The following TDRD7 variants were observed in gnomAD, a reference collection of about 807,000 sequenced individuals.
TDRD7 encodes tudor domain-containing protein 7.
A neutral mutation model predicts 109.8 loss-of-function variants in TDRD7; 47 were observed. That is an observed-to-expected ratio of 0.43 (90% CI 0.34 to 0.55). The LOEUF (loss-of-function observed/expected upper bound fraction) is 0.55. Among genes scored for constraint, TDRD7 ranks in the 20% least tolerant of loss-of-function variants. The pLI, the probability that TDRD7 is intolerant of heterozygous loss-of-function variation, is 0.03. For missense variants in TDRD7, 1,164 were observed against 1,319.2 expected (o/e 0.88, Z 1.82); for synonymous variants, 424 against 457.3 (o/e 0.93, Z 0.93).
chr9:97,454,644 C>A (rs1828569638), intron 6 of TDRD7, among the ~76,000 whole-genome samples: 4 of 152,214 alleles, frequency 2.6e-5, no homozygotes, highest in South Asian at 2.1e-4. Flanking sequence ...CAAATAAGAA[C>A]AAACAGACAA....
In TDRD7 at chr9:97,428,540, C is replaced by T. The variant is rs774764827; in HGVS notation, c.75C>T (p.Pro25=). ...CTCATAAGAATGGAGTAGCATTACC[C>T]CGGCTCCAAGGAGAGTACAGATCCT... is the stretch of plus-strand genomic sequence containing the variant. ...LQSHKNGVAL[P]RLQGEYRSLT... The change falls in exon 2 of 17, where the codon CCC becomes CCT. Residue 25 remains proline (P), a synonymous_variant. Coordinates refer to ENST00000355295, the MANE Select transcript of TDRD7 (RefSeq NM_014290.3). 12 of 1,613,886 alleles carry T rather than the reference C, an allele frequency of 7.4e-6. No individual in the cohort carries two copies. In the African/African-American group the frequency reaches 9.3e-5, roughly 13 times the overall value.
At chr9:97,434,113 T>C (rs77512182) in intron 4 of TDRD7, among the ~76,000 whole-genome samples, 2,330 of 152,290 alleles carry the variant, frequency 0.015, 31 homozygotes, top group Non-Finnish European at 0.021. Context: ...TCAACTGAAG[T>C]GTCCATTAAT....
intron 2 of TDRD7, 27 bp downstream of exon 2, chr9:97,428,699 A>T: frequency 6.2e-7 from 1 of 1,604,770 alleles, no homozygotes; most frequent in Non-Finnish European, 8.5e-7. Context: ...GCGTGTCAGA[A>T]GAATCAAACC....
rs1196369529 is a variant in TDRD7, at chr9:97,495,684, C to A, written c.3098C>A (p.Ser1033Tyr). 2 of 1,614,164 alleles carry A rather than the reference C, an allele frequency of 1.2e-6. No individual in the cohort carries two copies. The highest frequency in any genetic ancestry group is 1.1e-5 in the South Asian group (1 of 91,074). ...CTAGGAGTGAAGTGCAACCAGTGGT[C>A]TGAGGAGGCTTCTATGGTGTTTCGA... ...QLAGVKCNQW[S>Y]EEASMVFRNH... Residue 1033 changes from serine to tyrosine, a missense_variant, in exon 17 of 17, where the codon TCT becomes TAT. Physicochemically the swap from Ser to Tyr is moderately radical, Grantham distance 144. Around this residue, in one of 5 missense-constraint regions of TDRD7, gnomAD observed 162 missense variants for 222.5 expected, o/e 0.73. Coordinates refer to ENST00000355295, the MANE Select transcript of TDRD7 (RefSeq NM_014290.3).
chr9:97,439,433 T>C, intron 5 of TDRD7, 115 bp downstream of exon 5: 1 of 851,828 alleles, frequency 1.2e-6, no homozygotes, highest in Admixed American at 1.9e-5. Flanking sequence ...ATATCCTTCC[T>C]CCCCTTTTTC....
chr9:97,465,581 C>T (rs1828810070), intron 8 of TDRD7, among the ~76,000 whole-genome samples: 2 of 152,228 alleles, frequency 1.3e-5, no homozygotes, highest in Non-Finnish European at 2.9e-5. Flanking sequence ...TTTGCCTCTT[C>T]ATACTGTCAA....
intron 8 of TDRD7, among the ~76,000 whole-genome samples, chr9:97,467,485 C>T (rs1177478700): frequency 6.6e-6 from 1 of 152,188 alleles, no homozygotes; most frequent in African/African-American, 2.4e-5. Flanking sequence ...TTCAAACACT[C>T]CCATCGTGTT....
chr9:97,469,981 A>G (rs1288682957), intron 8 of TDRD7, among the ~76,000 whole-genome samples: 1 of 152,154 alleles, frequency 6.6e-6, no homozygotes, highest in African/African-American at 2.4e-5. Context: ...TTTTTAGTTT[A>G]GAATTCCATG....
chr9:97,426,227 A>G (rs996174588), intron 1 of TDRD7, among the ~76,000 whole-genome samples: 1 of 152,116 alleles, frequency 6.6e-6, no homozygotes, highest in Non-Finnish European at 1.5e-5. Flanking sequence ...AGGCGACACT[A>G]AATTTATTAA....
At chr9:97,447,319 A>G (rs1057063974) in intron 6 of TDRD7, among the ~76,000 whole-genome samples, 1 of 152,180 alleles carries the variant, frequency 6.6e-6, no homozygotes, top group East Asian at 1.9e-4. Flanking sequence ...CAGTGCCACA[A>G]TCTACTCTAA....
At chr9:97,425,856 C>T (rs893678570) in intron 1 of TDRD7, among the ~76,000 whole-genome samples, 2 of 152,152 alleles carry the variant, frequency 1.3e-5, no homozygotes, top group Non-Finnish European at 2.9e-5. Context: ...ATAGAGTGGA[C>T]TCACAAACCT....
intron 2 of TDRD7, among the ~76,000 whole-genome samples, chr9:97,429,903 T>C (rs1870860): frequency 0.53 from 80,510 of 152,076 alleles, 21,582 homozygotes; most frequent in African/African-American, 0.6. Flanking sequence ...CTCAACTCTT[T>C]GTTCCCCTGT....
At position 97,489,081 on chromosome 9, in the gene TDRD7, G is replaced by A. The variant is rs139881200; in HGVS notation, c.3076+1749G>A. 7.2e-5 allele frequency among the ~76,000 whole-genome samples: 11 copies of A among 152,306 alleles called. No homozygotes were observed. The East Asian group carries it at 2.1e-3, about 29-fold the overall frequency. Reference sequence around the variant, plus strand: ...CAAAATGTGGTTCGTCTTGATGAATGTTCCATGTGAGCTTGAGAAGAATGT... The same window carrying A: ...CAAAATGTGGTTCGTCTTGATGAATATTCCATGTGAGCTTGAGAAGAATGT... On this transcript the variant is annotated intron_variant, in intron 16 of 16. Coordinates refer to ENST00000355295, the MANE Select transcript of TDRD7 (RefSeq NM_014290.3).
intron 1 of TDRD7, among the ~76,000 whole-genome samples, chr9:97,415,678 A>G (rs1318670694): frequency 6.6e-6 from 1 of 152,214 alleles, no homozygotes; most frequent in Non-Finnish European, 1.5e-5. Context: ...AGATAGTCTC[A>G]GCTACTCAGG....
chr9:97,471,963 C>T lies in TDRD7; in HGVS notation c.1742-330C>T, dbSNP rs112083605. Reference sequence around the variant, plus strand: ...CTGGAAGACATAATTGATGGCTTCTCATATGTGTTAGTTTTTTGGTTTTAA... The same window carrying T: ...CTGGAAGACATAATTGATGGCTTCTTATATGTGTTAGTTTTTTGGTTTTAA... On this transcript the variant is annotated intron_variant, in intron 9 of 16. Coordinates refer to ENST00000355295, the MANE Select transcript of TDRD7 (RefSeq NM_014290.3). Among the ~76,000 whole-genome samples, 9 of 152,196 alleles carry T rather than the reference C, an allele frequency of 5.9e-5. 2 individuals are homozygous for T. The highest frequency in any genetic ancestry group is 2.2e-4 in the African/African-American group (9 of 41,542).
chr9:97,486,702 C>T (rs1049277057), intron 15 of TDRD7, among the ~76,000 whole-genome samples: 1 of 152,124 alleles, frequency 6.6e-6, no homozygotes, highest in African/African-American at 2.4e-5. Flanking sequence ...CTCTCCAGTC[C>T]TCTGTGCTTT....
intron 8 of TDRD7, among the ~76,000 whole-genome samples, chr9:97,466,120 GC>G (rs1828818614): frequency 6.6e-6 from 1 of 152,212 alleles, no homozygotes; most frequent in South Asian, 2.1e-4. Context: ...TCAGCCGCCA[GC>G]CAGTAATCCT....
intron 6 of TDRD7, among the ~76,000 whole-genome samples, chr9:97,455,309 G>T (rs1483440290): frequency 2.0e-5 from 3 of 152,080 alleles, no homozygotes; most frequent in Admixed American, 1.3e-4. Flanking sequence ...GAGGGACTTT[G>T]CCCTAACTCA....
chr9:97,439,322 T>A lies in TDRD7; in HGVS notation c.637+4T>A, dbSNP rs1245585733. 1 of 1,602,694 alleles carries A rather than the reference T, an allele frequency of 6.2e-7. No individual in the cohort carries two copies. The highest frequency in any genetic ancestry group is 8.5e-7 in the Non-Finnish European group (1 of 1,178,464). On this transcript the variant is annotated splice_donor_region_variant and intron_variant, in intron 5 of 16. Coordinates refer to ENST00000355295, the MANE Select transcript of TDRD7 (RefSeq NM_014290.3). ...ACCTCTACTAAGGAAATGAGTGGTA[T>A]GTTTTCCAAACATTTTTGAGATACA... is the stretch of plus-strand genomic sequence containing the variant.
Sources: gnomAD v4.1 joint callset for allele counts (sites outside exome capture counted in the v4.1 genomes callset) on GRCh38, gnomAD v4.1.1 for gene constraint, gnomAD v4.1.1 regional missense constraint, MANE v1.5 for transcripts, NCBI Gene and HGNC (gene_info 2026-07-23, HGNC 2026-07-21) for gene names.